Variants in MMP26 observed in about 807,000 individuals in gnomAD.
The protein encoded by MMP26 is matrix metallopeptidase 26, also known as matrix metalloproteinase-26.
A neutral mutation model predicts 31.0 loss-of-function variants in MMP26; 33 were observed. That is an observed-to-expected ratio of 1.06 (90% CI 0.81 to 1.42). The LOEUF (loss-of-function observed/expected upper bound fraction) is 1.42, where lower values mean the gene tolerates loss of function less well. Ranked by LOEUF, MMP26 falls within the 40% of genes most tolerant of loss-of-function variation. The pLI is 0.00. For missense variants in MMP26, 347 were observed against 316.1 expected (o/e 1.10, Z -0.74); for synonymous variants, 122 against 114.9 (o/e 1.06, Z -0.40).
At chr11:4,935,510 T>C (rs1187925167) in intron 2 of MMP26, among the ~76,000 whole-genome samples, 1 of 150,758 alleles carries the variant, frequency 6.6e-6, no homozygotes, top group Non-Finnish European at 1.5e-5. Flanking sequence ...TATACAATCA[T>C]GTCATCTGCA....
intron 1 of MMP26, among the ~76,000 whole-genome samples, chr11:4,707,835 A>AT (rs553075907): frequency 3.7e-4 from 57 of 152,090 alleles, no homozygotes; most frequent in African/African-American, 1.3e-3. Flanking sequence ...TGTGCTAGCC[A>AT]TTTTTTCTGG....
At chr11:4,863,952 A>C (rs148146779) in intron 2 of MMP26, among the ~76,000 whole-genome samples, 1 of 152,194 alleles carries the variant, frequency 6.6e-6, no homozygotes, top group South Asian at 2.1e-4. Flanking sequence ...ACACAAATGC[A>C]TGTGTATGCA....
intron 2 of MMP26, chr11:4,915,801 A>G: frequency 1.7e-6 from 1 of 577,456 alleles, no homozygotes; most frequent in Non-Finnish European, 3.0e-6. Context: ...AGCTCTTTCT[A>G]GTGGTTATGT....
intron 1 of MMP26, chr11:4,711,608 C>T (rs965120749): frequency 1.3e-5 from 2 of 152,168 alleles, no homozygotes; most frequent in Admixed American, 1.3e-4. Flanking sequence ...TGAATACACT[C>T]ATAAGATGAC....
At chr11:4,900,021 G>A (rs1773305130) in intron 2 of MMP26, among the ~76,000 whole-genome samples, 1 of 152,076 alleles carries the variant, frequency 6.6e-6, no homozygotes, top group East Asian at 1.9e-4. Context: ...ATGATTGTTG[G>A]TGTGTTGTAC....
chr11:4,749,322 G>T (rs1848419100), intron 1 of MMP26, among the ~76,000 whole-genome samples: 1 of 151,748 alleles, frequency 6.6e-6, no homozygotes, highest in South Asian at 2.1e-4. Flanking sequence ...CATAATCATG[G>T]ATCAAAAAAT....
chr11:4,971,442 G>A (rs905622468), intron 2 of MMP26, among the ~76,000 whole-genome samples: 9 of 152,134 alleles, frequency 5.9e-5, no homozygotes, highest in Admixed American at 2.6e-4. Context: ...AATTACTTAT[G>A]ATGCTTAAAG....
In MMP26 at chr11:4,738,862, T is replaced by G. The variant is rs147261572; in HGVS notation, c.-216-28408T>G. On this transcript the variant is annotated intron_variant, in intron 1 of 7. Transcript: ENST00000380390. ...TATCATACATTATATATATGTAGCCTTTTAAGGAAATAATTTTATATAAAG... is the reference window on the plus strand; with the variant it reads ...TATCATACATTATATATATGTAGCCGTTTAAGGAAATAATTTTATATAAAG... 2.7e-4 allele frequency among the ~76,000 whole-genome samples: 41 copies of G among 152,306 alleles called. No individual in the cohort carries two copies. The East Asian group carries it at 7.9e-3, about 29-fold the overall frequency.
intron 2 of MMP26, among the ~76,000 whole-genome samples, chr11:4,865,568 T>G (rs1307412104): frequency 6.6e-6 from 1 of 152,042 alleles, no homozygotes; most frequent in Non-Finnish European, 1.5e-5. Context: ...CTCCCACCAT[T>G]GCCAAATTCT....
At chr11:4,731,686 A>G (rs892093376) in intron 1 of MMP26, among the ~76,000 whole-genome samples, 16 of 152,170 alleles carry the variant, frequency 1.1e-4, no homozygotes, top group African/African-American at 3.9e-4. Flanking sequence ...ACTTAATCTA[A>G]TGTTAAAGAG....
At chr11:4,873,836 A>G (rs1850342914) in intron 2 of MMP26, among the ~76,000 whole-genome samples, 1 of 152,104 alleles carries the variant, frequency 6.6e-6, no homozygotes. Flanking sequence ...AATTAAGCGC[A>G]GTGATTATTA....
At chr11:4,743,139 T>A (rs1449216079) in intron 1 of MMP26, among the ~76,000 whole-genome samples, 1 of 152,148 alleles carries the variant, frequency 6.6e-6, no homozygotes, top group Non-Finnish European at 1.5e-5. Context: ...TGTGAATTAT[T>A]AAAAAGGCAA....
rs558251156 is a variant in MMP26, at chr11:4,733,450, T to G, written c.-217+28405T>G. On this transcript the variant is annotated intron_variant, in intron 1 of 7. Coordinates refer to ENST00000380390, the MANE Select transcript of MMP26 (RefSeq NM_021801.5). ...TTTGATGCTATTGTAAATGGAATTT[T>G]TCTCTTAATTTCAGTTTTAGATTGT... Among the ~76,000 whole-genome samples, 79 of 152,338 alleles carry G rather than the reference T, an allele frequency of 5.2e-4. 2 individuals are homozygous for G. In the South Asian group the frequency reaches 0.014, roughly 28 times the overall value.
At chr11:4,756,832 A>T (rs748139004) in intron 1 of MMP26, 1 of 152,076 alleles carries the variant, frequency 6.6e-6, no homozygotes, top group African/African-American at 2.4e-5. Flanking sequence ...AAAAAAACTA[A>T]GACACTGACG....
At chr11:4,841,018 A>G (rs894922958) in intron 2 of MMP26, among the ~76,000 whole-genome samples, 3 of 152,238 alleles carry the variant, frequency 2.0e-5, no homozygotes, top group African/African-American at 4.8e-5. Context: ...TGCGATTGGC[A>G]TACTGAAGAA....
At chr11:4,848,671 G>C in intron 2 of MMP26, 1 of 1,614,040 alleles carries the variant, frequency 6.2e-7, no homozygotes, top group South Asian at 1.1e-5. Context: ...GTTAGGACCT[G>C]TGGGAGGCAG....
At chr11:4,912,815 A>G (rs965347413) in intron 2 of MMP26, 1 of 152,154 alleles carries the variant, frequency 6.6e-6, no homozygotes, top group African/African-American at 2.4e-5. Flanking sequence ...AGAATGCTAG[A>G]GAAGACCTTT....
rs3065178 is a variant in MMP26 at position 4,907,095 on chromosome 11, T to TAAAAAAAAAA, written c.-144-80962_-144-80953dup. 2.8e-3 allele frequency among the ~76,000 whole-genome samples: 153 copies of TAAAAAAAAAA among 55,098 alleles called. 14 individuals carry two copies. The highest frequency in any genetic ancestry group is 4.5e-3 in the African/African-American group (68 of 15,270). 36.1% of individuals were successfully genotyped at this position (55,098 alleles called of 152,430 possible). A position where few individuals can be genotyped will look rare whatever the true frequency, so the allele number is the denominator to read the frequency against. ...TGGGCAACAAGAGCAAAACTCCCTC[T>TAAAAAAAAAA]AAAAAAAAAAAAAAAAAAAATCCTA... On this transcript the variant is annotated intron_variant, in intron 2 of 7. Transcript: ENST00000380390.
chr11:4,923,666 C>A lies in MMP26; in HGVS notation c.-144-64402C>A. The A allele has an allele frequency of 1.9e-6, 3 of 1,613,710 alleles. No individual in the cohort carries two copies. Among genetic ancestry groups the A allele is most frequent in the Non-Finnish European group, 2.5e-6 (3 of 1,179,896 alleles). On this transcript the variant is annotated intron_variant, in intron 2 of 7. Transcript: ENST00000380390. ...GTGGGAGGCAATGCTGAGCACGGTG[C>A]GAAGGATGAGGGCGTATGAGAGAAA...
Sources: gnomAD v4.1 joint callset for allele counts (sites outside exome capture counted in the v4.1 genomes callset) on GRCh38, gnomAD v4.1.1 for gene constraint, MANE v1.5 for transcripts, NCBI Gene and HGNC (gene_info 2026-07-23, HGNC 2026-07-21) for gene names.